Variants in IPPK observed in about 807,000 individuals in gnomAD.
IPPK encodes the protein IPK1 homolog.
Under a neutral mutation model 64.6 loss-of-function variants are expected in IPPK, and 22 were observed. That is an observed-to-expected ratio of 0.34 (90% CI 0.24 to 0.49). IPPK has a LOEUF of 0.49. IPPK is among the 20% of genes least tolerant of loss of function. The pLI is 0.99. For missense variants in IPPK, 532 were observed against 630.7 expected (o/e 0.84, Z 1.68); for synonymous variants, 262 against 247.2 (o/e 1.06, Z -0.56).
intron 1 of IPPK, among the ~76,000 whole-genome samples, chr9:92,660,448 A>G (rs1852459749): frequency 6.6e-6 from 1 of 152,246 alleles, no homozygotes; most frequent in Non-Finnish European, 1.5e-5. Context: ...CTCACCTGCC[A>G]GACTGCATGC....
intron 4 of IPPK, among the ~76,000 whole-genome samples, chr9:92,651,792 T>A (rs1194777420): frequency 2.0e-5 from 3 of 152,232 alleles, no homozygotes; most frequent in Non-Finnish European, 4.4e-5. Flanking sequence ...CTCAGCTAAC[T>A]GAAATCTCTG....
chr9:92,665,953 T>C (rs1419286775), intron 1 of IPPK, among the ~76,000 whole-genome samples: 1 of 151,988 alleles, frequency 6.6e-6, no homozygotes, highest in Non-Finnish European at 1.5e-5. Flanking sequence ...ACTAAACAGG[T>C]ACCAAAGGGA....
intron 11 of IPPK, among the ~76,000 whole-genome samples, chr9:92,630,775 A>C (rs1851825368): frequency 6.6e-6 from 1 of 152,188 alleles, no homozygotes; most frequent in Admixed American, 6.5e-5. Flanking sequence ...GTGGACTGGG[A>C]GTATGAAATA....
At chr9:92,669,497 G>A (rs1852679055) in intron 1 of IPPK, among the ~76,000 whole-genome samples, 1 of 152,142 alleles carries the variant, frequency 6.6e-6, no homozygotes, top group Non-Finnish European at 1.5e-5. Flanking sequence ...GTGCTGGCCG[G>A]GCCCTCCGTC....
intron 11 of IPPK, among the ~76,000 whole-genome samples, chr9:92,628,462 A>C (rs1304212717): frequency 6.6e-6 from 1 of 152,280 alleles, no homozygotes; most frequent in East Asian, 1.9e-4. Context: ...TACTGGCATA[A>C]GTGCAGACAT....
chr9:92,635,083 G>A lies in IPPK; in HGVS notation c.1067+75C>T, dbSNP rs1344293546. 2.1e-6 allele frequency: 3 copies of A among 1,399,612 alleles called. No homozygotes were observed. The highest frequency in any genetic ancestry group is 1.4e-5 in the South Asian group (1 of 70,042). The allele number at this position is 1,399,612 out of a possible 1,614,324, so 86.7% of individuals were successfully genotyped here. On this transcript the variant is annotated intron_variant, in intron 10 of 12. Transcript: ENST00000287996. The surrounding 1 kb of genome is among the most constrained non-coding windows in gnomAD (Gnocchi z 4.4). ...ATCCTCCTGGGAAGCTGTGCCTTGG[G>A]AGGCGCATTCTTACCCTGCCCACTC...
intron 3 of IPPK, among the ~76,000 whole-genome samples, chr9:92,653,381 C>A (rs1852306201): frequency 6.6e-6 from 1 of 152,142 alleles, no homozygotes; most frequent in African/African-American, 2.4e-5. Context: ...GCCGTCACAT[C>A]CATGCCCCTC....
At chr9:92,618,390 C>T in intron 12 of IPPK, 1 of 456,734 alleles carries the variant, frequency 2.2e-6, no homozygotes, top group South Asian at 1.5e-5. Context: ...TCCAATTTGA[C>T]ATCACTGACC....
intron 7 of IPPK, among the ~76,000 whole-genome samples, chr9:92,641,049 G>A (rs1852036488): frequency 6.6e-6 from 1 of 152,232 alleles, no homozygotes; most frequent in East Asian, 1.9e-4. Flanking sequence ...AGACTTTCGG[G>A]AGATGTGAGG....
Position 92,648,122 on chromosome 9 carries a change from C to T in IPPK, c.441G>A (p.Ser147=), listed in dbSNP as rs748888139. 19 of 1,613,240 alleles carry T rather than the reference C, an allele frequency of 1.2e-5. 1 individual carries two copies. Among genetic ancestry groups the T allele is most frequent in the Middle Eastern group, 1.7e-4 (1 of 6,060 alleles). The change falls in exon 6 of 13, where the codon TCG becomes TCA. Residue 147 remains serine, a synonymous_variant. Transcript: ENST00000287996. ...IKPKCGFIPF[S]SDVTHEMKHK... ...GCTTCATCTCATGCGTGACATCACT[C>T]GAGAAAGGAATAAACCCACATTTTG...
At chr9:92,640,508 G>C (rs762269144) in intron 8 of IPPK, among the ~76,000 whole-genome samples, 3 of 152,078 alleles carry the variant, frequency 2.0e-5, no homozygotes, top group Non-Finnish European at 4.4e-5. Context: ...TTGTGGAATC[G>C]TGCTCAGAAA....
chr9:92,635,290 C>T lies in IPPK; in HGVS notation c.935G>A (p.Arg312His), dbSNP rs763422847. 6.2e-6 allele frequency: 10 copies of T among 1,610,422 alleles called. No individual in the cohort carries two copies. In the Admixed American group the frequency reaches 1.0e-4, roughly 17 times the overall value. ...LRCQGKNTPE[R>H]SGLPKGCLLY... Reference sequence around the variant, plus strand: ...AAGACAGCCCTTCGGTAACCCCGAGCGCTCTGGGGTGTTTTTTCCTACCGA... The same window carrying T: ...AAGACAGCCCTTCGGTAACCCCGAGTGCTCTGGGGTGTTTTTTCCTACCGA... The change falls in exon 10 of 13, where the codon CGC becomes CAC. Residue 312 changes from arginine (R) to histidine (H), a missense_variant. By Grantham distance (29) the Arg-to-His change is conservative (BLOSUM62 0). Transcript: ENST00000287996. The surrounding 1 kb of genome is among the most constrained non-coding windows in gnomAD (Gnocchi z 4.4).
chr9:92,634,358 C>T, intron 11 of IPPK, 28 bp downstream of exon 11: 2 of 1,509,826 alleles, frequency 1.3e-6, no homozygotes, highest in Non-Finnish European at 1.8e-6. Context: ...AAGGATCACA[C>T]AGCAAGTTTT....
chr9:92,625,676 C>T (rs1246002983), intron 11 of IPPK, among the ~76,000 whole-genome samples: 1 of 152,190 alleles, frequency 6.6e-6, no homozygotes, highest in Non-Finnish European at 1.5e-5. Context: ...GAGCATGAAG[C>T]AACTGGGAAG....
chr9:92,640,968 C>T (rs201242891), intron 7 of IPPK, among the ~76,000 whole-genome samples, 186 bp from the exon 8 acceptor site: 2 of 152,172 alleles, frequency 1.3e-5, no homozygotes, highest in Admixed American at 6.5e-5. Flanking sequence ...GCTCCCTCCC[C>T]GGAGGGTCAC....
intron 7 of IPPK, among the ~76,000 whole-genome samples, chr9:92,641,799 G>C (rs1852052295): frequency 6.6e-6 from 1 of 152,218 alleles, no homozygotes; most frequent in Admixed American, 6.5e-5. Flanking sequence ...GGCACGAAAT[G>C]AATGGCTGGA....
In IPPK at chr9:92,635,050, C is replaced by T. The variant is rs1056074462; in HGVS notation, c.1067+108G>A. On this transcript the variant is annotated intron_variant, in intron 10 of 12. Coordinates refer to ENST00000287996, the MANE Select transcript of IPPK (RefSeq NM_022755.6). The surrounding 1 kb of genome is among the most constrained non-coding windows in gnomAD (Gnocchi z 4.4). ...GAGGACTGGGGTAGGAAGTGGCCGG[C>T]ATGCTTCATCCTCCTGGGAAGCTGT... 4 of 1,121,678 alleles carry T rather than the reference C, an allele frequency of 3.6e-6. No homozygotes were observed. The highest frequency in any genetic ancestry group is 2.4e-5 in the Admixed American group (1 of 41,992). The allele number at this position is 1,121,678 out of a possible 1,614,324, so 69.5% of individuals were successfully genotyped here. A position where few individuals can be genotyped will look rare whatever the true frequency, so the allele number is the denominator to read the frequency against.
At chr9:92,619,215 C>T (rs1176439692) in intron 12 of IPPK, 2 of 407,468 alleles carry the variant, frequency 4.9e-6, no homozygotes, top group Non-Finnish European at 9.1e-6. Flanking sequence ...TGTTTCTGAG[C>T]TCTTGGGAGT....
intron 1 of IPPK, 97 bp downstream of exon 1, chr9:92,669,811 G>T (rs926491901): frequency 1.1e-6 from 1 of 880,506 alleles, no homozygotes; most frequent in Non-Finnish European, 1.8e-6. Flanking sequence ...CTGGGGGGAC[G>T]TGGAACCGAC....
Sources: allele counts gnomAD v4.1 joint callset (sites outside exome capture counted in the v4.1 genomes callset), GRCh38; gene constraint gnomAD v4.1.1; non-coding constraint Gnocchi (gnomAD v3.1); transcripts MANE v1.5; gene names NCBI Gene and HGNC (gene_info 2026-07-23, HGNC 2026-07-21).